FAM168A: variants seen among roughly 807,000 people sequenced by gnomAD.
FAM168A encodes the protein protein FAM168A.
FAM168A carries 3 observed loss-of-function variants against 28.5 expected under a neutral mutation model. The ratio of observed to expected loss-of-function variants is 0.11; its 90% CI spans 0.05 to 0.27. FAM168A has a LOEUF of 0.27. Ranked by LOEUF, FAM168A falls within the 10% of genes least tolerant of loss-of-function variation. FAM168A has a pLI of 1.00. For synonymous variants in FAM168A, 122 were observed against 124.2 expected (o/e 0.98, Z 0.12); for missense variants, 222 against 311.5 (o/e 0.71, Z 2.16).
intron 1 of FAM168A, among the ~76,000 whole-genome samples, chr11:73,524,506 CTAATT>C (rs750712630): frequency 3.1e-4 from 46 of 146,946 alleles, no homozygotes; most frequent in Middle Eastern, 3.2e-3. Context: ...AACTGATCCT[CTAATT>C]TATTTCTTTC....
In FAM168A at chr11:73,536,704, A is replaced by C. The variant is rs1406055118; in HGVS notation, c.-19+61219T>G. Among the ~76,000 whole-genome samples, 3 of 152,174 alleles carry C rather than the reference A, an allele frequency of 2.0e-5. No individual in the cohort carries two copies. The East Asian group carries it at 5.8e-4, about 29-fold the overall frequency. ...CTCCGTCTCAAAAAATAATAATAAT[A>C]ATAGGCCTCTCCAAACCTAGGGTTT... On this transcript the variant is annotated intron_variant, in intron 1 of 7. Transcript: ENST00000356467.
chr11:73,530,478 T>C (rs775989499), intron 1 of FAM168A, among the ~76,000 whole-genome samples: 4 of 152,180 alleles, frequency 2.6e-5, no homozygotes, highest in Non-Finnish European at 4.4e-5. Flanking sequence ...CTCCAGGTTC[T>C]GAGGTGAGTG....
At chr11:73,494,257 G>A (rs1025334950) in intron 1 of FAM168A, among the ~76,000 whole-genome samples, 9 of 152,108 alleles carry the variant, frequency 5.9e-5, no homozygotes, top group Admixed American at 1.3e-4. Flanking sequence ...AAGACTAAGT[G>A]ACTCACTCAA....
In FAM168A at chr11:73,430,558, G is replaced by A. The variant is rs144081918; in HGVS notation, c.151+132C>T. The A allele has an allele frequency of 8.5e-6, 7 of 819,416 alleles. No homozygotes were observed. In the East Asian group the frequency reaches 1.6e-4, roughly 18 times the overall value. The allele number at this position is 819,416 out of a possible 1,614,324, so 50.8% of individuals were successfully genotyped here. A position where few individuals can be genotyped will look rare whatever the true frequency, so the allele number is the denominator to read the frequency against. ...TCCCAGTTCCCAGAAGGGACTCCCA[G>A]GAAAATCCAGCCTGGAGAGGCTGCG... On this transcript the variant is annotated intron_variant, in intron 3 of 7. Transcript: ENST00000356467.
chr11:73,539,120 G>T (rs1444667225), intron 1 of FAM168A, among the ~76,000 whole-genome samples: 2 of 152,176 alleles, frequency 1.3e-5, no homozygotes, highest in South Asian at 4.1e-4. Context: ...ATGCAACTTA[G>T]GTCCCTTCCC....
chr11:73,577,029 G>A (rs1464255099), intron 1 of FAM168A, among the ~76,000 whole-genome samples: 1 of 152,068 alleles, frequency 6.6e-6, no homozygotes, highest in African/African-American at 2.4e-5. Context: ...ACTTGAATGG[G>A]AAACCTGAGA....
chr11:73,487,254 T>A (rs776722806), intron 1 of FAM168A, among the ~76,000 whole-genome samples: 1 of 152,178 alleles, frequency 6.6e-6, no homozygotes, highest in Non-Finnish European at 1.5e-5. Context: ...AGCAAAATCC[T>A]CTACAACTTC....
chr11:73,472,597 C>T (rs1338970743), intron 1 of FAM168A, among the ~76,000 whole-genome samples: 1 of 152,156 alleles, frequency 6.6e-6, no homozygotes, highest in Non-Finnish European at 1.5e-5. Context: ...GTGCTGAGAT[C>T]AGACAGCAGG....
rs751751695 is a variant in FAM168A at position 73,505,877 on chromosome 11, G to A, written c.-18-37385C>T. Among the ~76,000 whole-genome samples, 17 of 152,260 alleles carry A rather than the reference G, an allele frequency of 1.1e-4. 1 individual carries two copies. Among genetic ancestry groups the A allele is most frequent in the Admixed American group, 7.9e-4 (12 of 15,286 alleles). On this transcript the variant is annotated intron_variant, in intron 1 of 7. Coordinates refer to ENST00000356467, the MANE Select transcript of FAM168A (RefSeq NM_015159.3). ...CCAATCCCTTCTCCCTTGAGACACT[G>A]ACTTCCATTCTTTTCTGGACCAAAT...
At chr11:73,531,660 G>A (rs1425503609) in intron 1 of FAM168A, among the ~76,000 whole-genome samples, 1 of 151,996 alleles carries the variant, frequency 6.6e-6, no homozygotes, top group Non-Finnish European at 1.5e-5. Flanking sequence ...ACTGAATCAA[G>A]CTTCTCACTG....
At chr11:73,504,871 G>T (rs11235781) in intron 1 of FAM168A, among the ~76,000 whole-genome samples, 4,531 of 152,218 alleles carry the variant, frequency 0.03, 225 homozygotes, top group African/African-American at 0.1. Context: ...GGATGAACCT[G>T]GGAGACATCA....
intron 1 of FAM168A, among the ~76,000 whole-genome samples, chr11:73,535,159 CTTTT>C (rs546179057): frequency 6.7e-6 from 1 of 149,240 alleles, no homozygotes; most frequent in African/African-American, 2.5e-5. Flanking sequence ...TATTTAAAAC[CTTTT>C]TTTTTTCTTT....
chr11:73,483,494 AATC>A (rs1305082263), intron 1 of FAM168A, among the ~76,000 whole-genome samples: 7 of 152,366 alleles, frequency 4.6e-5, no homozygotes. Flanking sequence ...AAAGTAATAT[AATC>A]ATATCTGTGT....
intron 1 of FAM168A, among the ~76,000 whole-genome samples, chr11:73,539,835 GA>G (rs1458220193): frequency 6.6e-6 from 1 of 152,228 alleles, no homozygotes; most frequent in Non-Finnish European, 1.5e-5. Flanking sequence ...CTGTGGGTCT[GA>G]AAACAGATGG....
chr11:73,431,884 C>T (rs548818796), intron 2 of FAM168A, among the ~76,000 whole-genome samples: 3 of 152,198 alleles, frequency 2.0e-5, no homozygotes, highest in Admixed American at 6.5e-5. Flanking sequence ...GTTTCCAAGA[C>T]ATTTTCATCA....
intron 2 of FAM168A, among the ~76,000 whole-genome samples, chr11:73,456,305 G>A (rs1010396534): frequency 1.3e-5 from 2 of 152,170 alleles, no homozygotes; most frequent in Non-Finnish European, 2.9e-5. Flanking sequence ...GCATGGTAAT[G>A]AGTAAAGATT....
chr11:73,550,435 G>A (rs1943811737), intron 1 of FAM168A, among the ~76,000 whole-genome samples: 1 of 151,822 alleles, frequency 6.6e-6, no homozygotes, highest in African/African-American at 2.4e-5. Flanking sequence ...CAGGCAGACT[G>A]CTGGAGCCCA....
In FAM168A at chr11:73,409,664, G is replaced by A. The variant is rs1866573182; in HGVS notation, c.421-3C>T. ...ACCGGCTGTGTGTAGTAGGCTCCCT[G>A]GGGGAAAGAGGCTGAGGTCACATAG... On this transcript the variant is annotated splice_region_variant and splice_polypyrimidine_tract_variant and intron_variant, in intron 5 of 7. Coordinates refer to ENST00000356467, the MANE Select transcript of FAM168A (RefSeq NM_015159.3). The A allele has an allele frequency of 6.3e-7, 1 of 1,596,676 alleles. No homozygotes were observed. The highest frequency in any genetic ancestry group is 1.1e-5 in the South Asian group (1 of 89,894).
chr11:73,588,151 T>C (rs938438236), intron 1 of FAM168A, among the ~76,000 whole-genome samples: 2 of 152,290 alleles, frequency 1.3e-5, no homozygotes, highest in African/African-American at 4.8e-5. Flanking sequence ...CTGGCTGCTT[T>C]AATAAACACC....
Sources: gnomAD v4.1 joint callset for allele counts (sites outside exome capture counted in the v4.1 genomes callset) on GRCh38, gnomAD v4.1.1 for gene constraint, MANE v1.5 for transcripts, NCBI Gene and HGNC (gene_info 2026-07-23, HGNC 2026-07-21) for gene names.